RORA: variants seen among roughly 807,000 people sequenced by gnomAD.
The protein encoded by RORA is nuclear receptor ROR-alpha.
RORA carries 7 observed loss-of-function variants against 69.5 expected under a neutral mutation model. The ratio of observed to expected loss-of-function variants is 0.10; its 90% CI spans 0.06 to 0.19. The LOEUF (loss-of-function observed/expected upper bound fraction) is 0.19. Among genes scored for constraint, RORA ranks in the 10% least tolerant of loss-of-function variants. The pLI, the probability that RORA is intolerant of heterozygous loss-of-function variation, is 1.00. For synonymous variants in RORA, 261 were observed against 240.8 expected (o/e 1.08, Z -0.78); for missense variants, 457 against 663.0 (o/e 0.69, Z 3.41).
chr15:61,074,106 A>T (rs1566975828), intron 1 of RORA, among the ~76,000 whole-genome samples: 1 of 152,188 alleles, frequency 6.6e-6, no homozygotes, highest in Non-Finnish European at 1.5e-5. Context: ...TGTGCTTGCT[A>T]TTATCATGAA....
intron 1 of RORA, among the ~76,000 whole-genome samples, chr15:61,214,888 C>T (rs1386243927): frequency 3.4e-5 from 4 of 118,754 alleles, no homozygotes; most frequent in East Asian, 2.5e-4. Context: ...TTTTTTGAGA[C>T]GGAGTCTTGC....
Position 60,846,857 on chromosome 15 carries a change from A to G in RORA, c.167-168171T>C, listed in dbSNP as rs528782733. ...GTATCGAATATGCTTCTCACATACTAGACTTTATGCAAAACCACCATGACC... is the reference window on the plus strand; with the variant it reads ...GTATCGAATATGCTTCTCACATACTGGACTTTATGCAAAACCACCATGACC... On this transcript the variant is annotated intron_variant, in intron 1 of 10. Coordinates refer to ENST00000335670, the MANE Select transcript of RORA (RefSeq NM_134261.3). 7.4e-4 allele frequency among the ~76,000 whole-genome samples: 113 copies of G among 152,372 alleles called. 5 individuals are homozygous for G. The South Asian group carries it at 0.022, about 29-fold the overall frequency.
chr15:60,986,663 G>C (rs1894212564), intron 1 of RORA, among the ~76,000 whole-genome samples: 2 of 152,202 alleles, frequency 1.3e-5, no homozygotes, highest in Non-Finnish European at 2.9e-5. Context: ...CACAGACCCT[G>C]AGTTTTTGAA....
At chr15:60,820,181 T>A (rs1007692963) in intron 1 of RORA, among the ~76,000 whole-genome samples, 1 of 152,208 alleles carries the variant, frequency 6.6e-6, no homozygotes, top group Non-Finnish European at 1.5e-5. Context: ...CCACCTCCCA[T>A]CACGTGAGGG....
chr15:60,743,105 C>T (rs933962078), intron 1 of RORA, among the ~76,000 whole-genome samples: 3 of 151,420 alleles, frequency 2.0e-5, no homozygotes, highest in African/African-American at 7.3e-5. Flanking sequence ...ACCTCCGCCC[C>T]CTGGGTTCAA....
At chr15:60,565,213 G>C (rs551777451) in intron 2 of RORA, among the ~76,000 whole-genome samples, 1 of 152,290 alleles carries the variant, frequency 6.6e-6, no homozygotes, top group African/African-American at 2.4e-5. Flanking sequence ...AAATTCCACA[G>C]ATAAGACATT....
intron 1 of RORA, among the ~76,000 whole-genome samples, chr15:61,110,477 G>A (rs770896167): frequency 6.6e-6 from 1 of 151,696 alleles, no homozygotes; most frequent in Non-Finnish European, 1.5e-5. Context: ...ACTGGTTTGT[G>A]TATTTATTAT....
chr15:60,877,344 C>G (rs998964154), intron 1 of RORA, among the ~76,000 whole-genome samples: 2 of 152,194 alleles, frequency 1.3e-5, no homozygotes, highest in Admixed American at 1.3e-4. Flanking sequence ...ATCTACCTCT[C>G]TCTCCCCAGG....
At chr15:60,797,556 G>A (rs577300359) in intron 1 of RORA, among the ~76,000 whole-genome samples, 9 of 152,270 alleles carry the variant, frequency 5.9e-5, no homozygotes, top group African/African-American at 1.9e-4. Context: ...TTTTAAAACC[G>A]TGAAATTAGT....
chr15:61,121,591 C>G (rs185615890), intron 1 of RORA, among the ~76,000 whole-genome samples: 16 of 152,250 alleles, frequency 1.1e-4, no homozygotes, highest in Non-Finnish European at 1.9e-4. Context: ...ACCAGGATCT[C>G]AAATCTGTCA....
chr15:60,865,043 T>C (rs2073472872), intron 1 of RORA, among the ~76,000 whole-genome samples: 1 of 152,218 alleles, frequency 6.6e-6, no homozygotes, highest in Non-Finnish European at 1.5e-5. Flanking sequence ...GCCAGATAAA[T>C]TCAAGGTAAA....
chr15:60,624,583 A>G (rs2069522285), intron 2 of RORA, among the ~76,000 whole-genome samples: 1 of 148,352 alleles, frequency 6.7e-6, no homozygotes, highest in South Asian at 2.1e-4. Flanking sequence ...TATTATATAT[A>G]CACACACACA....
Position 60,742,908 on chromosome 15 carries a change from T to C in RORA, c.167-64222A>G, listed in dbSNP as rs139469179. Among the ~76,000 whole-genome samples the C allele has an allele frequency of 7.2e-3, 1,103 of 152,292 alleles. 9 individuals carry two copies. The highest frequency in any genetic ancestry group is 0.027 in the South Asian group (131 of 4,824). On this transcript the variant is annotated intron_variant, in intron 1 of 10. Transcript: ENST00000335670. ...AGTCATTATTTGATGGACACTTAGG[T>C]TGATTTCATATCTTGACTATTGTGA... is the stretch of plus-strand genomic sequence containing the variant.
chr15:60,887,795 C>G (rs1213076656), intron 1 of RORA, among the ~76,000 whole-genome samples: 1 of 152,146 alleles, frequency 6.6e-6, no homozygotes, highest in South Asian at 2.1e-4. Context: ...CTTGCCGGCA[C>G]CTTGCTGCGG....
At chr15:61,019,184 T>C (rs1489920040) in intron 1 of RORA, among the ~76,000 whole-genome samples, 7 of 152,198 alleles carry the variant, frequency 4.6e-5, no homozygotes, top group Non-Finnish European at 8.8e-5. Context: ...GCGGAATACA[T>C]TACACAGCGC....
At chr15:60,640,999 TGGTAGTTCAGTGGC>T (rs1815482206) in intron 2 of RORA, among the ~76,000 whole-genome samples, 1 of 152,288 alleles carries the variant, frequency 6.6e-6, no homozygotes, top group African/African-American at 2.4e-5. Flanking sequence ...ATTGCCCAGG[TGGTAGTTCAGTGGC>T]GTGATCTCAG....
chr15:60,615,686 C>T (rs886935583), intron 2 of RORA, among the ~76,000 whole-genome samples: 2 of 152,168 alleles, frequency 1.3e-5, no homozygotes, highest in Non-Finnish European at 2.9e-5. Flanking sequence ...TTCTGTTTGC[C>T]AAAAAACCTT....
chr15:61,219,767 T>C (rs2080077525), intron 1 of RORA, among the ~76,000 whole-genome samples: 1 of 152,220 alleles, frequency 6.6e-6, no homozygotes, highest in African/African-American at 2.4e-5. Flanking sequence ...CTAGGCTCGC[T>C]GATTCATAAA....
At chr15:60,654,067 G>A (rs770269039) in intron 2 of RORA, among the ~76,000 whole-genome samples, 1 of 152,132 alleles carries the variant, frequency 6.6e-6, no homozygotes, top group Non-Finnish European at 1.5e-5. Flanking sequence ...TTAGATAGCT[G>A]GGATTTAGCA....
Sources: allele counts gnomAD v4.1 joint callset (sites outside exome capture counted in the v4.1 genomes callset), GRCh38; gene constraint gnomAD v4.1.1; transcripts MANE v1.5; gene names NCBI Gene and HGNC (gene_info 2026-07-23, HGNC 2026-07-21).